Variants in FCHSD2 observed in about 807,000 individuals in gnomAD.
FCHSD2 encodes the protein FCH and double SH3 domains 2.
Under a neutral mutation model 108.1 loss-of-function variants are expected in FCHSD2, and 38 were observed. The observed-to-expected ratio is 0.35, with a 90% CI of 0.27 to 0.46. The LOEUF (loss-of-function observed/expected upper bound fraction) is 0.46. FCHSD2 is among the 20% of genes least tolerant of loss of function. FCHSD2 has a pLI of 1.00. For synonymous variants in FCHSD2, 279 were observed against 314.7 expected (o/e 0.89, Z 1.20); for missense variants, 751 against 897.8 (o/e 0.84, Z 2.09).
intron 2 of FCHSD2, among the ~76,000 whole-genome samples, chr11:73,113,649 G>A (rs556022297): frequency 3.3e-5 from 5 of 152,126 alleles, no homozygotes; most frequent in South Asian, 2.1e-4. Flanking sequence ...TATTGTAGTC[G>A]TCATAGTCTG....
chr11:72,981,839 G>C (rs542609154), intron 8 of FCHSD2, among the ~76,000 whole-genome samples: 3 of 152,184 alleles, frequency 2.0e-5, no homozygotes, highest in African/African-American at 7.2e-5. Flanking sequence ...AAATTAGCTG[G>C]GTATGGTGGC....
At chr11:73,086,831 G>A (rs1308664418) in intron 2 of FCHSD2, among the ~76,000 whole-genome samples, 2 of 152,114 alleles carry the variant, frequency 1.3e-5, no homozygotes, top group South Asian at 2.1e-4. Context: ...GAAATGAATA[G>A]ATAAATACAA....
At chr11:72,953,650 T>C (rs1190428127) in intron 8 of FCHSD2, among the ~76,000 whole-genome samples, 3 of 151,300 alleles carry the variant, frequency 2.0e-5, no homozygotes, top group Non-Finnish European at 2.9e-5. Context: ...ACAAAAACTC[T>C]TGCTCTTAAA....
At chr11:72,907,666 C>A (rs975155854) in intron 9 of FCHSD2, among the ~76,000 whole-genome samples, 1 of 142,866 alleles carries the variant, frequency 7.0e-6, no homozygotes, top group Non-Finnish European at 1.5e-5. Context: ...TCTTGGCTCA[C>A]TGCAACCTCC....
intron 3 of FCHSD2, among the ~76,000 whole-genome samples, chr11:73,034,935 C>A (rs551869333): frequency 7.7e-4 from 117 of 152,162 alleles, no homozygotes; most frequent in Non-Finnish European, 1.4e-3. Context: ...GGTCACTCCA[C>A]AGGCAGCTAA....
At chr11:73,085,994 T>C (rs1438458710) in intron 2 of FCHSD2, among the ~76,000 whole-genome samples, 10 of 152,216 alleles carry the variant, frequency 6.6e-5, no homozygotes, top group African/African-American at 2.2e-4. Flanking sequence ...GTTTTAAAGA[T>C]GTTCAAAGAA....
intron 8 of FCHSD2, among the ~76,000 whole-genome samples, chr11:72,926,936 G>T (rs181021437): frequency 6.6e-6 from 1 of 152,264 alleles, no homozygotes; most frequent in East Asian, 1.9e-4. Context: ...AAAAAATGGC[G>T]ACTTGGTGCA....
intron 8 of FCHSD2, among the ~76,000 whole-genome samples, chr11:72,935,503 A>C (rs1444960944): frequency 2.0e-5 from 3 of 152,224 alleles, no homozygotes; most frequent in African/African-American, 7.2e-5. Flanking sequence ...CTTAAAATTA[A>C]ATCATGAAAT....
intron 8 of FCHSD2, among the ~76,000 whole-genome samples, chr11:72,958,799 T>C (rs1241063418): frequency 6.6e-6 from 1 of 152,088 alleles, no homozygotes; most frequent in Non-Finnish European, 1.5e-5. Flanking sequence ...TAAGAAATAA[T>C]CTTTTTAAAA....
intron 10 of FCHSD2, among the ~76,000 whole-genome samples, chr11:72,897,395 A>G (rs1398772216): frequency 6.6e-6 from 1 of 151,684 alleles, no homozygotes; most frequent in Non-Finnish European, 1.5e-5. Flanking sequence ...TTATTTCCTA[A>G]ACAATGTAAT....
At chr11:73,006,154 G>A (rs1200118266) in intron 4 of FCHSD2, among the ~76,000 whole-genome samples, 1 of 151,392 alleles carries the variant, frequency 6.6e-6, no homozygotes, top group Non-Finnish European at 1.5e-5. Context: ...CCATCCTCCT[G>A]CCTTAGCCTC....
intron 2 of FCHSD2, among the ~76,000 whole-genome samples, chr11:73,104,933 G>T (rs902938547): frequency 1.3e-5 from 2 of 152,166 alleles, no homozygotes; most frequent in African/African-American, 2.4e-5. Flanking sequence ...AGTTTTACAC[G>T]TTTAAATGAA....
Position 72,838,861 on chromosome 11 carries a change from G to C in FCHSD2, c.2153C>G (p.Pro718Arg). 1 of 1,607,072 alleles carries C rather than the reference G, an allele frequency of 6.2e-7. No individual in the cohort carries two copies. The highest frequency in any genetic ancestry group is 8.5e-7 in the Non-Finnish European group (1 of 1,177,658). ...TCGGTGATTCTGTGTAGGTGGAGGG[G>C]GAGCTGCCCGGACCTGAGCAGGAAA... ...YGKLRPVRAA[P>R]PPPTQNHRRP... Residue 718 changes from proline to arginine, a missense_variant, in exon 20 of 20, where the codon CCC (proline) becomes CGC (arginine). Physicochemically the swap from Pro to Arg is moderately radical, Grantham distance 103. Transcript: ENST00000409418.
intron 2 of FCHSD2, among the ~76,000 whole-genome samples, chr11:73,089,433 G>A (rs1202293646): frequency 6.6e-6 from 1 of 152,178 alleles, no homozygotes; most frequent in African/African-American, 2.4e-5. Flanking sequence ...ATTCCTAGGT[G>A]TATATCCATG....
intron 9 of FCHSD2, among the ~76,000 whole-genome samples, chr11:72,907,195 CTT>C (rs1855647630): frequency 6.6e-6 from 1 of 152,166 alleles, no homozygotes; most frequent in Non-Finnish European, 1.5e-5. Flanking sequence ...TATCCTGAGA[CTT>C]TGCTGAAGTT....
chr11:72,902,771 G>T, intron 9 of FCHSD2, 133 bp from the exon 10 acceptor site: 6 of 557,288 alleles, frequency 1.1e-5, no homozygotes, highest in South Asian at 2.6e-5. Context: ...AAAAAGAAAT[G>T]GTGTTACGCA....
intron 2 of FCHSD2, among the ~76,000 whole-genome samples, chr11:73,115,484 C>G (rs1470241414): frequency 6.6e-6 from 1 of 152,156 alleles, no homozygotes; most frequent in Non-Finnish European, 1.5e-5. Flanking sequence ...TGAAAACAAT[C>G]TTATATATCT....
At chr11:73,065,363 A>C (rs958529277) in intron 3 of FCHSD2, among the ~76,000 whole-genome samples, 2 of 152,192 alleles carry the variant, frequency 1.3e-5, no homozygotes, top group Non-Finnish European at 1.5e-5. Context: ...ATCTCAAAAT[A>C]ATAAGAGCTA....
At chr11:73,011,159 G>T (rs1857855215) in intron 4 of FCHSD2, among the ~76,000 whole-genome samples, 1 of 152,168 alleles carries the variant, frequency 6.6e-6, no homozygotes, top group Non-Finnish European at 1.5e-5. Flanking sequence ...GCTCTGGCAT[G>T]GAGTAGGGAT....
Sources: gnomAD v4.1 joint callset for allele counts (sites outside exome capture counted in the v4.1 genomes callset) on GRCh38, gnomAD v4.1.1 for gene constraint, MANE v1.5 for transcripts, NCBI Gene and HGNC (gene_info 2026-07-23, HGNC 2026-07-21) for gene names.